The following ZNF475 variants were observed in gnomAD, a reference collection of about 807,000 sequenced individuals.
The protein encoded by ZNF475 is zinc finger protein 475.
the ZNF475 span, chr5:122,179,673 T>C: frequency 4.6e-6 from 7 of 1,534,842 alleles, no homozygotes; most frequent in Non-Finnish European, 6.1e-6. Context: ...AAACAACTTG[T>C]TGCCTAAAGA....
the ZNF475 span, chr5:122,163,291 T>C: frequency 6.6e-6 from 1 of 152,204 alleles, no homozygotes; most frequent in Admixed American, 6.5e-5. Context: ...TGAGAACAAA[T>C]GAAATAAAGC....
At chr5:122,171,635 A>G in the ZNF475 span, among the ~76,000 whole-genome samples, 2 of 152,210 alleles carry the variant, frequency 1.3e-5, no homozygotes, top group African/African-American at 4.8e-5. Flanking sequence ...ACACTGCTTC[A>G]ATTGACTGTT....
chr5:122,170,564 C>T, the ZNF475 span, among the ~76,000 whole-genome samples: 1 of 152,200 alleles, frequency 6.6e-6, no homozygotes, highest in South Asian at 2.1e-4. Flanking sequence ...TCTGTGACCT[C>T]TCTGGGGTCA....
the ZNF475 span, among the ~76,000 whole-genome samples, chr5:122,180,941 C>A: frequency 4.6e-5 from 7 of 152,166 alleles, no homozygotes; most frequent in African/African-American, 1.7e-4. Context: ...TTGTTTACCT[C>A]ATTGAAACTC....
the ZNF475 span, among the ~76,000 whole-genome samples, chr5:122,173,623 G>A: frequency 6.6e-6 from 1 of 152,174 alleles, no homozygotes; most frequent in Non-Finnish European, 1.5e-5. Context: ...GATGCTGTGT[G>A]GAAAATAATA....
At chr5:122,163,117 G>C in the ZNF475 span, 1 of 151,986 alleles carries the variant, frequency 6.6e-6, no homozygotes, top group Non-Finnish European at 1.5e-5. Flanking sequence ...CAAAGGACCT[G>C]GGATGGTGCC....
At chr5:122,175,841 C>T in the ZNF475 span, among the ~76,000 whole-genome samples, 1 of 152,186 alleles carries the variant, frequency 6.6e-6, no homozygotes, top group Non-Finnish European at 1.5e-5. Flanking sequence ...GCATCCCTAT[C>T]CTATAAACAA....
chr5:122,177,308 G>A, the ZNF475 span, among the ~76,000 whole-genome samples: 6 of 152,236 alleles, frequency 3.9e-5, no homozygotes, highest in South Asian at 2.1e-4. Context: ...CAATGTGGGC[G>A]GGCATAATAG....
At chr5:122,162,782 G>C in the ZNF475 span, among the ~76,000 whole-genome samples, 1,099 of 152,280 alleles carry the variant, frequency 7.2e-3, 8 homozygotes, top group South Asian at 0.012. Context: ...TCATAGGACT[G>C]TTTGCATTCT....
chr5:122,177,250 A>C, the ZNF475 span, among the ~76,000 whole-genome samples: 4 of 152,228 alleles, frequency 2.6e-5, no homozygotes, highest in Admixed American at 2.0e-4. Context: ...AGATCAAAAA[A>C]GGCAAAGAAT....
the ZNF475 span, among the ~76,000 whole-genome samples, chr5:122,164,308 C>T: frequency 2.0e-5 from 3 of 152,072 alleles, no homozygotes; most frequent in Non-Finnish European, 2.9e-5. Context: ...GTAAGCCTCA[C>T]CTAAAGATAT....
chr5:122,175,442 GT>G, the ZNF475 span, among the ~76,000 whole-genome samples: 2 of 152,148 alleles, frequency 1.3e-5, no homozygotes, highest in African/African-American at 2.4e-5. Context: ...TTGAAAAAAA[GT>G]CATTTAATTC....
chr5:122,174,543 G>T, the ZNF475 span, among the ~76,000 whole-genome samples: 1 of 152,124 alleles, frequency 6.6e-6, no homozygotes, highest in Non-Finnish European at 1.5e-5. Flanking sequence ...CACAAATATA[G>T]AGCATGGGAG....
chr5:122,177,513 A>G, the ZNF475 span, among the ~76,000 whole-genome samples: 2 of 152,218 alleles, frequency 1.3e-5, no homozygotes, highest in Non-Finnish European at 2.9e-5. Context: ...TATAATTTAT[A>G]TAGTACCAAT....
the ZNF475 span, among the ~76,000 whole-genome samples, chr5:122,178,860 T>C: frequency 6.6e-5 from 10 of 152,344 alleles, no homozygotes; most frequent in Admixed American, 1.3e-4. Context: ...AGGGTTTTTA[T>C]GGTTTTAGAT....
the ZNF475 span, among the ~76,000 whole-genome samples, chr5:122,162,011 A>G: frequency 0.2 from 30,482 of 151,816 alleles, 4,927 homozygotes; most frequent in African/African-American, 0.45. Flanking sequence ...CTAGGAAATT[A>G]TTCCTTTCAG....
the ZNF475 span, among the ~76,000 whole-genome samples, chr5:122,170,297 A>G: frequency 6.6e-6 from 1 of 152,160 alleles, no homozygotes; most frequent in Non-Finnish European, 1.5e-5. Context: ...TCAGTCTCAC[A>G]AGACTGCCCC....
chr5:122,182,495 A>C, the ZNF475 span: 1 of 1,451,192 alleles, frequency 6.9e-7, no homozygotes, highest in African/African-American at 1.4e-5. Flanking sequence ...TTCCAGCCAA[A>C]GGCTTCTATG....
the ZNF475 span, among the ~76,000 whole-genome samples, chr5:122,178,233 G>T: frequency 6.6e-6 from 1 of 152,190 alleles, no homozygotes; most frequent in Non-Finnish European, 1.5e-5. Flanking sequence ...ATAGTAGAAT[G>T]ATTTATAATC....
Sources: allele counts gnomAD v4.1 joint callset (sites outside exome capture counted in the v4.1 genomes callset), GRCh38; gene constraint gnomAD v4.1.1; transcripts MANE v1.5; gene names NCBI Gene and HGNC (gene_info 2026-07-23, HGNC 2026-07-21).